The following TPX2 variants were observed in gnomAD, a reference collection of about 807,000 sequenced individuals.
The protein encoded by TPX2 is targeting protein for Xklp2.
TPX2 carries 21 observed loss-of-function variants against 93.6 expected under a neutral mutation model. The observed-to-expected ratio is 0.22, with a 90% confidence interval of 0.16 to 0.32. The LOEUF is 0.32. Ranked by LOEUF, TPX2 falls within the 10% of genes least tolerant of loss-of-function variation. The pLI is 1.00. For synonymous variants in TPX2, 281 were observed against 298.3 expected (o/e 0.94, Z 0.60); for missense variants, 776 against 871.1 (o/e 0.89, Z 1.37).
chr20:31,800,271 C>T (rs964978586), intron 17 of TPX2, among the ~76,000 whole-genome samples: 3 of 152,200 alleles, frequency 2.0e-5, no homozygotes, highest in African/African-American at 7.2e-5. Flanking sequence ...TATATACACT[C>T]ATACAATCAG....
intron 4 of TPX2, among the ~76,000 whole-genome samples, chr20:31,766,011 C>T (rs1428360886): frequency 6.6e-6 from 1 of 152,146 alleles, no homozygotes; most frequent in Non-Finnish European, 1.5e-5. Flanking sequence ...CCTCAGGAAA[C>T]TTTCTTAAAT....
rs772494085 is a variant in TPX2, at chr20:31,778,921, G to A, written c.991G>A (p.Val331Ile). ...VSTYVPLAQQ[V>I]EDFHKRTPNR... ...TACATATGTGCCCCTTGCACAGCAAGTTGAAGACTTCCATAAACGAACCCC... is the reference window on the plus strand; with the variant it reads ...TACATATGTGCCCCTTGCACAGCAAATTGAAGACTTCCATAAACGAACCCC... Residue 331 changes from valine to isoleucine, a missense_variant, in exon 10 of 18, where the codon GTT becomes ATT. By Grantham distance (29) the Val-to-Ile change is conservative. Coordinates refer to ENST00000300403, the MANE Select transcript of TPX2 (RefSeq NM_012112.5). 7 of 1,611,472 alleles carry A rather than the reference G, an allele frequency of 4.3e-6. No homozygotes were observed. The highest frequency in any genetic ancestry group is 5.9e-6 in the Non-Finnish European group (7 of 1,179,450).
At chr20:31,792,909 A>G in intron 13 of TPX2, 79 bp downstream of exon 13, 1 of 1,353,508 alleles carries the variant, frequency 7.4e-7, no homozygotes. Flanking sequence ...ATTAATCTTA[A>G]TGGAGTTCAA....
chr20:31,760,628 G>T (rs1207001382), intron 4 of TPX2, among the ~76,000 whole-genome samples: 2 of 152,098 alleles, frequency 1.3e-5, no homozygotes, highest in African/African-American at 4.8e-5. Context: ...CCAAAGTGCT[G>T]GGATTATAGG....
rs528289703 is a variant in TPX2 at position 31,758,230 on chromosome 20, C to T, written c.106+648C>T. Among the ~76,000 whole-genome samples, 5 of 151,048 alleles carry T rather than the reference C, an allele frequency of 3.3e-5. No individual in the cohort carries two copies. The South Asian group carries it at 6.3e-4, about 19-fold the overall frequency. ...CTCCGCCACTCTTGTTCAAGCGGTT[C>T]TGCCTCAGCCGCCCAAGTAGCTGGG... On this transcript the variant is annotated intron_variant, in intron 3 of 17. Transcript: ENST00000300403.
chr20:31,767,458 G>A (rs916533985), intron 5 of TPX2, among the ~76,000 whole-genome samples: 9 of 151,492 alleles, frequency 5.9e-5, no homozygotes, highest in East Asian at 2.0e-4. Flanking sequence ...CTGCAGACTC[G>A]AACTCCTGGG....
intron 12 of TPX2, among the ~76,000 whole-genome samples, chr20:31,787,354 A>C (rs1368969894): frequency 6.6e-6 from 1 of 151,692 alleles, no homozygotes. Flanking sequence ...AGGTTTCCCT[A>C]CTAAAATTTC....
At chr20:31,785,502 GTT>G (rs1049481149) in intron 12 of TPX2, among the ~76,000 whole-genome samples, 1 of 142,142 alleles carries the variant, frequency 7.0e-6, no homozygotes. Flanking sequence ...TTTTTGTTTT[GTT>G]TTTTTTTTTT....
At chr20:31,743,605 G>C (rs986728755) in intron 2 of TPX2, among the ~76,000 whole-genome samples, 1 of 152,118 alleles carries the variant, frequency 6.6e-6, no homozygotes, top group Non-Finnish European at 1.5e-5. Context: ...CCAAGGTGAA[G>C]GGTCACTTAA....
Position 31,778,924 on chromosome 20 carries a change from G to C in TPX2, c.994G>C (p.Glu332Gln), listed in dbSNP as rs2062018152. ...ATATGTGCCCCTTGCACAGCAAGTT[G>C]AAGACTTCCATAAACGAACCCCTAA... Reference protein sequence around the residue: ...STYVPLAQQVEDFHKRTPNRY... With the variant: ...STYVPLAQQVQDFHKRTPNRY... The change falls in exon 10 of 18, where the codon GAA (glutamate) becomes CAA (glutamine). Residue 332 changes from glutamate (E) to glutamine (Q), a missense_variant. This residue lies in a region of TPX2 where 461 missense variants were observed against 551.2 expected (regional missense o/e 0.84). Coordinates refer to ENST00000300403, the MANE Select transcript of TPX2 (RefSeq NM_012112.5). 4 of 1,610,928 alleles carry C rather than the reference G, an allele frequency of 2.5e-6. No individual in the cohort carries two copies. The African/African-American group carries it at 5.4e-5, about 22-fold the overall frequency.
intron 6 of TPX2, among the ~76,000 whole-genome samples, chr20:31,771,099 C>T (rs1049497172): frequency 1.3e-5 from 2 of 152,076 alleles, no homozygotes; most frequent in Non-Finnish European, 2.9e-5. Context: ...TCGCAGCAAC[C>T]CTTAAATTTC....
At chr20:31,742,706 A>T (rs185660594) in intron 2 of TPX2, 59 bp downstream of exon 2, 1 of 152,378 alleles carries the variant, frequency 6.6e-6, no homozygotes, top group African/African-American at 2.4e-5. Flanking sequence ...AAGTGTTTAA[A>T]TGACTAATGT....
chr20:31,778,643 A>G (rs999553351), intron 9 of TPX2, among the ~76,000 whole-genome samples, 170 bp from the exon 10 acceptor site: 1 of 152,150 alleles, frequency 6.6e-6, no homozygotes, highest in African/African-American at 2.4e-5. Context: ...ATTTTTTTTA[A>G]TGAGAACAGA....
chr20:31,744,933 A>C (rs1368299247), intron 2 of TPX2, among the ~76,000 whole-genome samples: 2 of 152,152 alleles, frequency 1.3e-5, no homozygotes. Context: ...CTAAAAATAC[A>C]CAAATTAGCC....
At chr20:31,772,877 A>G (rs1328916105) in intron 7 of TPX2, among the ~76,000 whole-genome samples, 1 of 152,118 alleles carries the variant, frequency 6.6e-6, no homozygotes, top group East Asian at 1.9e-4. Context: ...AAGGAAGGAG[A>G]AATTCCCCAC....
intron 4 of TPX2, 67 bp from the exon 5 acceptor site, chr20:31,766,489 G>GTA: frequency 6.9e-7 from 1 of 1,445,648 alleles, no homozygotes; most frequent in Non-Finnish European, 9.5e-7. Context: ...GTGTGTGTGT[G>GTA]TGTGTGTCTC....
At chr20:31,794,650 T>G (rs1022619823) in intron 15 of TPX2, 102 bp downstream of exon 15, 3 of 1,405,438 alleles carry the variant, frequency 2.1e-6, no homozygotes, top group Non-Finnish European at 2.9e-6. Context: ...TGCTACATTG[T>G]TTCAGGGGCT....
chr20:31,788,932 C>T (rs1048744484), intron 12 of TPX2, among the ~76,000 whole-genome samples: 1 of 152,170 alleles, frequency 6.6e-6, no homozygotes, highest in Non-Finnish European at 1.5e-5. Flanking sequence ...CCTAACTGCC[C>T]TGGGACAGGC....
intron 2 of TPX2, among the ~76,000 whole-genome samples, chr20:31,745,354 G>T (rs1173796374): frequency 1.5e-5 from 2 of 134,002 alleles, no homozygotes; most frequent in Non-Finnish European, 3.1e-5. Flanking sequence ...TTTGGAGACA[G>T]AGTCTCACTC....
Sources: allele counts gnomAD v4.1 joint callset (sites outside exome capture counted in the v4.1 genomes callset), GRCh38; gene constraint gnomAD v4.1.1; regional missense constraint gnomAD v4.1.1; transcripts MANE v1.5; gene names NCBI Gene and HGNC (gene_info 2026-07-23, HGNC 2026-07-21).